Variants in ASTN2 observed in about 807,000 individuals in gnomAD.
The protein encoded by ASTN2 is astrotactin 2.
ASTN2 carries 54 observed loss-of-function variants against 139.8 expected under a neutral mutation model. The ratio of observed to expected loss-of-function variants is 0.39; its 90% CI spans 0.31 to 0.48. The LOEUF (loss-of-function observed/expected upper bound fraction) is 0.48. ASTN2 is among the 20% of genes least tolerant of loss of function. The probability of loss-of-function intolerance (pLI) is 0.95; values close to 1 mark genes in which losing one functional copy is unlikely to be tolerated. For synonymous variants in ASTN2, 756 were observed against 719.5 expected (o/e 1.05, Z -0.81); for missense variants, 1,565 against 1,725.1 (o/e 0.91, Z 1.64).
intron 13 of ASTN2, among the ~76,000 whole-genome samples, chr9:116,758,831 G>T (rs2132165017): frequency 6.6e-6 from 1 of 152,258 alleles, no homozygotes; most frequent in East Asian, 1.9e-4. Context: ...GGGCTGCCTA[G>T]TATAGTGCTT....
chr9:116,938,586 T>G (rs1301244882), intron 10 of ASTN2, among the ~76,000 whole-genome samples: 3 of 152,146 alleles, frequency 2.0e-5, no homozygotes, highest in Admixed American at 2.0e-4. Flanking sequence ...TGAAGTTTGA[T>G]TTCAGGCCTT....
intron 1 of ASTN2, among the ~76,000 whole-genome samples, chr9:117,298,537 CA>C (rs1323950670): frequency 9.3e-5 from 14 of 150,714 alleles, no homozygotes; most frequent in Admixed American, 9.3e-4. Flanking sequence ...TGAGATAATA[CA>C]AACAAATTAG....
At chr9:117,304,732 G>T (rs1245574607) in intron 1 of ASTN2, among the ~76,000 whole-genome samples, 2 of 152,138 alleles carry the variant, frequency 1.3e-5, no homozygotes, top group Non-Finnish European at 2.9e-5. Context: ...TATTTATGAC[G>T]TGGTGCTGGA....
chr9:116,443,393 A>T (rs1257420599), intron 20 of ASTN2, among the ~76,000 whole-genome samples: 1 of 152,136 alleles, frequency 6.6e-6, no homozygotes, highest in East Asian at 1.9e-4. Flanking sequence ...TGCCAGGGAG[A>T]CTGGGGGTTA....
At chr9:117,180,596 A>C in intron 3 of ASTN2, 6 of 1,012,458 alleles carry the variant, frequency 5.9e-6, no homozygotes, top group Non-Finnish European at 8.8e-6. Context: ...CTATGCACCG[A>C]GCACCATTCT....
At chr9:117,152,496 C>G (rs892598407) in intron 3 of ASTN2, among the ~76,000 whole-genome samples, 1 of 152,162 alleles carries the variant, frequency 6.6e-6, no homozygotes, top group Non-Finnish European at 1.5e-5. Flanking sequence ...TCCAAAGACA[C>G]AGCTTCTGCT....
intron 17 of ASTN2, among the ~76,000 whole-genome samples, chr9:116,638,952 A>G (rs931550207): frequency 4.6e-5 from 7 of 152,228 alleles, no homozygotes; most frequent in Non-Finnish European, 8.8e-5. Flanking sequence ...GGATTTTAAC[A>G]TTTACACATG....
intron 16 of ASTN2, among the ~76,000 whole-genome samples, chr9:116,718,506 C>T (rs1311253153): frequency 1.3e-5 from 2 of 152,108 alleles, no homozygotes; most frequent in Non-Finnish European, 2.9e-5. Context: ...GTTAACTTGG[C>T]TGGGTTATCA....
chr9:117,313,756 A>C (rs1222575165), intron 1 of ASTN2, among the ~76,000 whole-genome samples: 2 of 152,166 alleles, frequency 1.3e-5, no homozygotes, highest in Non-Finnish European at 2.9e-5. Flanking sequence ...TTTCATGTGA[A>C]TAGATGGTTT....
chr9:117,385,516 T>A (rs1475839283), intron 1 of ASTN2, among the ~76,000 whole-genome samples: 1 of 151,824 alleles, frequency 6.6e-6, no homozygotes, highest in East Asian at 1.9e-4. Context: ...CCTTGAAAGA[T>A]GGGAATGAAA....
chr9:116,943,589 A>G (rs1300254533), intron 10 of ASTN2, among the ~76,000 whole-genome samples: 16 of 152,214 alleles, frequency 1.1e-4, no homozygotes, highest in Non-Finnish European at 8.8e-5. Context: ...AATAAGGCAG[A>G]TTCATGTTCT....
intron 4 of ASTN2, among the ~76,000 whole-genome samples, chr9:117,129,743 T>C (rs1210331203): frequency 6.6e-6 from 1 of 152,134 alleles, no homozygotes; most frequent in Non-Finnish European, 1.5e-5. Context: ...GTTGTTCCTA[T>C]ATGTAAGTAC....
chr9:116,775,534 G>A (rs1830059821), intron 13 of ASTN2, among the ~76,000 whole-genome samples: 1 of 118,282 alleles, frequency 8.5e-6, no homozygotes, highest in Non-Finnish European at 1.8e-5. Flanking sequence ...AAAGAAAGGG[G>A]GCAGGGGAGG....
At chr9:116,455,377 A>T (rs556904831) in intron 20 of ASTN2, among the ~76,000 whole-genome samples, 2 of 151,912 alleles carry the variant, frequency 1.3e-5, no homozygotes, top group South Asian at 4.2e-4. Flanking sequence ...AAAAGAAAAG[A>T]AAAACAGTTT....
rs963224453 is a variant in ASTN2 at position 117,337,699 on chromosome 9, G to A, written c.443-46186C>T. Among the ~76,000 whole-genome samples, 8 of 152,148 alleles carry A rather than the reference G, an allele frequency of 5.3e-5. No individual in the cohort carries two copies. In the South Asian group the frequency reaches 1.4e-3, roughly 28 times the overall value. ...AGATTAGGTAATGAGGTATCATGGA[G>A]AGAAAAGTGGGGAGCTTCCCTTTAA... On this transcript the variant is annotated intron_variant, in intron 1 of 22. Coordinates refer to ENST00000313400, the MANE Select transcript of ASTN2 (RefSeq NM_001365068.1).
chr9:116,579,907 C>T lies in ASTN2; in HGVS notation c.3355+38417G>A, dbSNP rs371160053. Among the ~76,000 whole-genome samples the T allele has an allele frequency of 1.6e-3, 244 of 152,200 alleles. 3 individuals are homozygous for T. The highest frequency in any genetic ancestry group is 0.01 in the South Asian group (49 of 4,822). ...CGCGATCTCTGCTCACTGCAACCTCCGCCTCCTGGATTCAAGCAATTCTCC... is the reference window on the plus strand; with the variant it reads ...CGCGATCTCTGCTCACTGCAACCTCTGCCTCCTGGATTCAAGCAATTCTCC... On this transcript the variant is annotated intron_variant, in intron 19 of 22. Coordinates refer to ENST00000313400, the MANE Select transcript of ASTN2 (RefSeq NM_001365068.1).
intron 16 of ASTN2, among the ~76,000 whole-genome samples, chr9:116,704,661 G>A (rs191152564): frequency 1.1e-3 from 162 of 152,282 alleles, no homozygotes; most frequent in Non-Finnish European, 5.4e-4. Context: ...TATTGGTGAT[G>A]CAATAGCATG....
chr9:116,757,247 C>A (rs1829556732), intron 13 of ASTN2, among the ~76,000 whole-genome samples: 1 of 152,204 alleles, frequency 6.6e-6, no homozygotes, highest in Admixed American at 6.5e-5. Context: ...CCAGCACTTA[C>A]CCGGAGTGCC....
intron 4 of ASTN2, among the ~76,000 whole-genome samples, chr9:117,114,177 T>A (rs73657637): frequency 0.32 from 27,338 of 85,026 alleles, 2,882 homozygotes; most frequent in African/African-American, 0.43. Flanking sequence ...TTTTTTTTTT[T>A]TAAAAAAAAA....
Sources: gnomAD v4.1 joint callset for allele counts (sites outside exome capture counted in the v4.1 genomes callset) on GRCh38, gnomAD v4.1.1 for gene constraint, MANE v1.5 for transcripts, NCBI Gene and HGNC (gene_info 2026-07-23, HGNC 2026-07-21) for gene names.